The following DPP6 variants were observed in gnomAD, a reference collection of about 807,000 sequenced individuals.
DPP6 encodes the protein A-type potassium channel modulatory protein DPP6.
In DPP6, 69 loss-of-function variants were observed where a neutral mutation model predicts 122.6. The observed-to-expected ratio is 0.56, with a 90% CI of 0.46 to 0.69. DPP6 has a LOEUF of 0.69. DPP6 is among the 30% of genes least tolerant of loss of function. DPP6 has a pLI of 0.00. For synonymous variants in DPP6, 418 were observed against 433.1 expected (o/e 0.97, Z 0.43); for missense variants, 928 against 1,116.9 (o/e 0.83, Z 2.41).
At chr7:153,917,777 C>T (rs1041448585) in intron 1 of DPP6, among the ~76,000 whole-genome samples, 13 of 152,100 alleles carry the variant, frequency 8.5e-5, no homozygotes, top group South Asian at 2.1e-4. Flanking sequence ...TTTGACATTT[C>T]GTATTTCCAT....
chr7:153,822,471 A>G, the DPP6 span, among the ~76,000 whole-genome samples: 4 of 152,150 alleles, frequency 2.6e-5, no homozygotes, highest in Non-Finnish European at 5.9e-5. Flanking sequence ...GATTACAGGC[A>G]TGAGCCACTG....
chr7:154,484,052 A>G (rs1344003345), intron 3 of DPP6, among the ~76,000 whole-genome samples: 1 of 152,180 alleles, frequency 6.6e-6, no homozygotes, highest in African/African-American at 2.4e-5. Flanking sequence ...TACACTTACA[A>G]GGCCAACTGG....
intron 10 of DPP6, among the ~76,000 whole-genome samples, chr7:154,774,261 G>A (rs1046986379): frequency 6.6e-6 from 1 of 151,826 alleles, no homozygotes; most frequent in Non-Finnish European, 1.5e-5. Context: ...TTTGGCTGGT[G>A]ATATTTTTGC....
chr7:154,777,509 C>G (rs991387631), intron 10 of DPP6, among the ~76,000 whole-genome samples: 5 of 152,120 alleles, frequency 3.3e-5, no homozygotes, highest in African/African-American at 1.2e-4. Flanking sequence ...AAATGCAAAT[C>G]GCTGTGCTGT....
rs1338515743 is a variant in DPP6, at chr7:154,807,105, G to C, written c.1659G>C (p.Lys553Asn). 1.2e-6 allele frequency: 2 copies of C among 1,612,844 alleles called. No homozygotes were observed. Among genetic ancestry groups the C allele is most frequent in the Non-Finnish European group, 1.7e-6 (2 of 1,179,820 alleles). Residue 553 changes from lysine (K) to asparagine (N), a missense_variant, in exon 16 of 26, where the codon AAG (lysine) becomes AAC (asparagine). Physicochemically the swap from Lys to Asn is moderately conservative, Grantham distance 94. Coordinates refer to ENST00000377770, the MANE Select transcript of DPP6 (RefSeq NM_130797.4). ...ATAGCATGGACTTCTTCCTGCTCAA[G>C]TGCGAAGGTCAGCTCCTGCCACCCC... Reference protein sequence around the residue: ...FSHSMDFFLLKCEGPGVPMVT... With the variant: ...FSHSMDFFLLNCEGPGVPMVT...
intron 1 of DPP6, among the ~76,000 whole-genome samples, chr7:154,116,332 C>T (rs1362859093): frequency 6.6e-6 from 1 of 152,186 alleles, no homozygotes; most frequent in Non-Finnish European, 1.5e-5. Flanking sequence ...GGTTCAAACT[C>T]TTTATTTTTC....
chr7:154,595,038 G>A (rs1462932235), intron 5 of DPP6, among the ~76,000 whole-genome samples: 2 of 151,608 alleles, frequency 1.3e-5, no homozygotes, highest in Admixed American at 1.3e-4. Context: ...TTGACGTTAA[G>A]ATTTTCATTC....
the DPP6 span, among the ~76,000 whole-genome samples, chr7:153,849,520 T>G: frequency 6.6e-6 from 1 of 152,186 alleles, no homozygotes; most frequent in Admixed American, 6.5e-5. Context: ...AAGCCACCTA[T>G]TTAAGAAAGA....
chr7:154,548,231 T>C (rs937827974), intron 4 of DPP6, among the ~76,000 whole-genome samples: 5 of 150,502 alleles, frequency 3.3e-5, no homozygotes, highest in African/African-American at 9.8e-5. Flanking sequence ...AAATAATAAA[T>C]AAGTACAGTA....
In DPP6 at chr7:154,559,848, T is replaced by A. The variant is rs1319034516; in HGVS notation, c.553-6994T>A. On this transcript the variant is annotated intron_variant, in intron 4 of 25. Transcript: ENST00000377770. ...TGAGCCTAGGAGTTTATGGCTGCAGTCAGCTATGATCACACCACTGCACCC... is the reference window on the plus strand; with the variant it reads ...TGAGCCTAGGAGTTTATGGCTGCAGACAGCTATGATCACACCACTGCACCC... 4.0e-5 allele frequency among the ~76,000 whole-genome samples: 6 copies of A among 151,204 alleles called. No homozygotes were observed. In the South Asian group the frequency reaches 1.3e-3, roughly 32 times the overall value.
intron 1 of DPP6, among the ~76,000 whole-genome samples, chr7:154,117,974 T>A (rs990709987): frequency 6.6e-6 from 1 of 151,940 alleles, no homozygotes; most frequent in Admixed American, 6.5e-5. Flanking sequence ...GGCTGGAGCC[T>A]GCTGGGATCA....
chr7:154,569,354 C>A (rs1393081740), intron 5 of DPP6, among the ~76,000 whole-genome samples: 3 of 151,916 alleles, frequency 2.0e-5, no homozygotes, highest in Non-Finnish European at 4.4e-5. Context: ...CATTGGTATT[C>A]TTTAAAAACA....
intron 22 of DPP6, among the ~76,000 whole-genome samples, chr7:154,887,145 C>T (rs76668672): frequency 0.033 from 4,999 of 152,256 alleles, 135 homozygotes; most frequent in East Asian, 0.061. Context: ...GTCTCCTGGG[C>T]GCCCTCAGGC....
At chr7:154,871,957 A>G (rs1447710549) in intron 18 of DPP6, among the ~76,000 whole-genome samples, 1 of 152,148 alleles carries the variant, frequency 6.6e-6, no homozygotes, top group African/African-American at 2.4e-5. Context: ...ACTCTCCCTC[A>G]CCCACTGGAT....
chr7:154,217,140 A>C (rs978595760), intron 1 of DPP6, among the ~76,000 whole-genome samples: 2 of 152,078 alleles, frequency 1.3e-5, no homozygotes, highest in African/African-American at 4.8e-5. Context: ...ACAGCACTCA[A>C]ATTTTTTTTT....
chr7:153,831,489 G>T, the DPP6 span, among the ~76,000 whole-genome samples: 34 of 152,130 alleles, frequency 2.2e-4, 1 homozygote, highest in Non-Finnish European at 1.5e-5. Context: ...ACAGCAGGGG[G>T]TGGCAAACGT....
At chr7:154,570,529 T>C (rs1356345922) in intron 5 of DPP6, among the ~76,000 whole-genome samples, 2 of 152,116 alleles carry the variant, frequency 1.3e-5, no homozygotes, top group Non-Finnish European at 2.9e-5. Context: ...CCGAACCCCT[T>C]AGCGCTATAC....
At chr7:154,058,011 G>GC (rs1259613063) in intron 1 of DPP6, 4 of 149,658 alleles carry the variant, frequency 2.7e-5, no homozygotes, top group African/African-American at 5.0e-5. Flanking sequence ...GAACATAAAG[G>GC]CCCCCCATTT....
chr7:154,881,002 C>T lies in DPP6; in HGVS notation c.2133+60C>T, dbSNP rs146560169. The T allele has an allele frequency of 1.8e-3, 2,854 of 1,590,374 alleles. 6 individuals are homozygous for T. The highest frequency in any genetic ancestry group is 2.2e-3 in the Non-Finnish European group (2,560 of 1,165,542). On this transcript the variant is annotated intron_variant, in intron 21 of 25. Coordinates refer to ENST00000377770, the MANE Select transcript of DPP6 (RefSeq NM_130797.4). ...AGTTCCAGTGTGGCCTGCACCATTA[C>T]CCACGTCTAATCCTGATTTATTGAG...
Sources: gnomAD v4.1 joint callset for allele counts (sites outside exome capture counted in the v4.1 genomes callset) on GRCh38, gnomAD v4.1.1 for gene constraint, MANE v1.5 for transcripts, NCBI Gene and HGNC (gene_info 2026-07-23, HGNC 2026-07-21) for gene names.